Variants in KCTD8 observed in about 807,000 individuals in gnomAD.
KCTD8 encodes potassium channel tetramerization domain containing 8.
A neutral mutation model predicts 31.5 loss-of-function variants in KCTD8; 27 were observed. The observed-to-expected ratio is 0.86, with a 90% CI of 0.63 to 1.18. KCTD8 has a LOEUF of 1.18. Ranked by LOEUF, KCTD8 falls within the 50% of genes most tolerant of loss-of-function variation. KCTD8 has a pLI of 0.00. For synonymous variants in KCTD8, 290 were observed against 280.0 expected (o/e 1.04, Z -0.36); for missense variants, 658 against 647.7 (o/e 1.02, Z -0.17).
intron 1 of KCTD8, among the ~76,000 whole-genome samples, chr4:44,218,044 C>A (rs543936950): frequency 6.6e-6 from 1 of 151,948 alleles, no homozygotes; most frequent in African/African-American, 2.4e-5. Context: ...TCTGCAGGAC[C>A]CTGACTAACA....
intron 1 of KCTD8, among the ~76,000 whole-genome samples, chr4:44,234,048 G>T (rs764558762): frequency 3.3e-5 from 5 of 152,130 alleles, no homozygotes; most frequent in Non-Finnish European, 7.4e-5. Flanking sequence ...TAACAATTAT[G>T]CACAGCCCTT....
chr4:44,426,245 G>A (rs1413013883), intron 1 of KCTD8, among the ~76,000 whole-genome samples: 1 of 151,466 alleles, frequency 6.6e-6, no homozygotes, highest in Non-Finnish European at 1.5e-5. Context: ...GGCCACAGAG[G>A]AAACCCAGTG....
At chr4:44,263,586 G>C (rs540459644) in intron 1 of KCTD8, among the ~76,000 whole-genome samples, 1 of 152,224 alleles carries the variant, frequency 6.6e-6, no homozygotes, top group East Asian at 1.9e-4. Context: ...GAAATAAATG[G>C]AAATACAGGA....
chr4:44,414,181 T>C (rs1397043336), intron 1 of KCTD8, among the ~76,000 whole-genome samples: 3 of 151,050 alleles, frequency 2.0e-5, no homozygotes, highest in African/African-American at 7.4e-5. Context: ...ACTAGTATAC[T>C]GATCTTCACA....
At chr4:44,419,709 G>A (rs1231570083) in intron 1 of KCTD8, among the ~76,000 whole-genome samples, 1 of 152,060 alleles carries the variant, frequency 6.6e-6, no homozygotes, top group Non-Finnish European at 1.5e-5. Flanking sequence ...CGGGGGATGG[G>A]GGGCTGGGGA....
chr4:44,364,797 G>C (rs1298905939), intron 1 of KCTD8, among the ~76,000 whole-genome samples: 1 of 151,838 alleles, frequency 6.6e-6, no homozygotes, highest in Non-Finnish European at 1.5e-5. Context: ...AAAGAAGCCA[G>C]TATAAAAAGG....
intron 1 of KCTD8, among the ~76,000 whole-genome samples, chr4:44,202,263 C>T (rs111410942): frequency 6.6e-6 from 1 of 152,122 alleles, no homozygotes; most frequent in African/African-American, 2.4e-5. Flanking sequence ...ACACAGCTCC[C>T]ATTAAATCTA....
chr4:44,207,109 G>C (rs966845309), intron 1 of KCTD8, among the ~76,000 whole-genome samples: 26 of 152,188 alleles, frequency 1.7e-4, no homozygotes, highest in Admixed American at 1.3e-3. Context: ...GTGTAACCTT[G>C]AACAAGTTAC....
intron 1 of KCTD8, among the ~76,000 whole-genome samples, chr4:44,182,505 C>T (rs1713455855): frequency 6.6e-6 from 1 of 152,166 alleles, no homozygotes; most frequent in Admixed American, 6.5e-5. Context: ...CATGCACTCT[C>T]TGAAACATGT....
chr4:44,321,682 T>G (rs1680035549), intron 1 of KCTD8, among the ~76,000 whole-genome samples: 1 of 152,166 alleles, frequency 6.6e-6, no homozygotes, highest in African/African-American at 2.4e-5. Context: ...ACTGTACTAT[T>G]GAATACTAGA....
intron 1 of KCTD8, among the ~76,000 whole-genome samples, chr4:44,287,057 A>G (rs1409089449): frequency 6.6e-6 from 1 of 152,128 alleles, no homozygotes; most frequent in Non-Finnish European, 1.5e-5. Flanking sequence ...ATATAGCAGA[A>G]ACACTTTTCT....
chr4:44,196,969 T>A (rs1353897773), intron 1 of KCTD8, among the ~76,000 whole-genome samples: 1 of 152,140 alleles, frequency 6.6e-6, no homozygotes, highest in Non-Finnish European at 1.5e-5. Context: ...AAGACTCCAC[T>A]CTTGCTTCCA....
intron 1 of KCTD8, among the ~76,000 whole-genome samples, chr4:44,357,721 A>T (rs1031635213): frequency 6.6e-6 from 1 of 152,104 alleles, no homozygotes; most frequent in Non-Finnish European, 1.5e-5. Context: ...ATTTAAGGAA[A>T]AAAGATAACT....
At chr4:44,235,420 T>C (rs1159907306) in intron 1 of KCTD8, among the ~76,000 whole-genome samples, 1 of 147,514 alleles carries the variant, frequency 6.8e-6, no homozygotes, top group Non-Finnish European at 1.5e-5. Flanking sequence ...CAGAGATGTA[T>C]ATACATACAT....
intron 1 of KCTD8, among the ~76,000 whole-genome samples, chr4:44,291,960 G>GAAAAAAAA (rs571458412): frequency 4.5e-5 from 4 of 88,424 alleles, no homozygotes; most frequent in Non-Finnish European, 8.8e-5. Context: ...TGGCTATTAT[G>GAAAAAAAA]AAAAAAAAAA....
At chr4:44,216,930 CTAAAGA>C (rs1412332795) in intron 1 of KCTD8, among the ~76,000 whole-genome samples, 1 of 152,042 alleles carries the variant, frequency 6.6e-6, no homozygotes, top group Non-Finnish European at 1.5e-5. Flanking sequence ...CTTTCTTGGT[CTAAAGA>C]TAAAGTGACC....
At chr4:44,294,643 T>G (rs190842725) in intron 1 of KCTD8, among the ~76,000 whole-genome samples, 1 of 152,308 alleles carries the variant, frequency 6.6e-6, no homozygotes, top group Non-Finnish European at 1.5e-5. Flanking sequence ...TTCACTTGGA[T>G]TCTCACCAAA....
chr4:44,239,436 T>C (rs935906987), intron 1 of KCTD8, among the ~76,000 whole-genome samples: 1 of 152,182 alleles, frequency 6.6e-6, no homozygotes, highest in African/African-American at 2.4e-5. Flanking sequence ...ATAGCATAGA[T>C]CTCATAGTGT....
chr4:44,242,088 A>G (rs1715519327), intron 1 of KCTD8, among the ~76,000 whole-genome samples: 1 of 152,228 alleles, frequency 6.6e-6, no homozygotes, highest in Non-Finnish European at 1.5e-5. Context: ...TGTGCAAAAA[A>G]TCTGGAAAGT....
Sources: allele counts gnomAD v4.1 joint callset (sites outside exome capture counted in the v4.1 genomes callset), GRCh38; gene constraint gnomAD v4.1.1; transcripts MANE v1.5; gene names NCBI Gene and HGNC (gene_info 2026-07-23, HGNC 2026-07-21).